The following NCLN variants were observed in gnomAD, a reference collection of about 807,000 sequenced individuals.
The protein encoded by NCLN is BOS complex subunit NCLN.
Under a neutral mutation model 69.5 loss-of-function variants are expected in NCLN, and 34 were observed. The ratio of observed to expected loss-of-function variants is 0.49; its 90% confidence interval spans 0.37 to 0.65. The LOEUF (loss-of-function observed/expected upper bound fraction) is 0.65, where lower values mean the gene tolerates loss of function less well. Ranked by LOEUF, NCLN falls within the 30% of genes least tolerant of loss-of-function variation. The pLI is 0.00. For missense variants in NCLN, 710 were observed against 804.8 expected (o/e 0.88, Z 1.42); for synonymous variants, 393 against 358.3 (o/e 1.10, Z -1.09).
At chr19:3,204,365 C>T (rs1409698347) in intron 8 of NCLN, among the ~76,000 whole-genome samples, 3 of 152,120 alleles carry the variant, frequency 2.0e-5, no homozygotes, top group Admixed American at 2.0e-4. Flanking sequence ...CTGGGGTGTC[C>T]TGTCCCAGAG....
intron 3 of NCLN, among the ~76,000 whole-genome samples, chr19:3,193,663 T>C (rs1449844107): frequency 1.3e-5 from 2 of 152,234 alleles, no homozygotes; most frequent in African/African-American, 4.8e-5. Context: ...AGCTGCTGGC[T>C]CTGTGCACAC....
intron 8 of NCLN, among the ~76,000 whole-genome samples, chr19:3,204,352 G>A (rs774760361): frequency 3.9e-5 from 6 of 152,084 alleles, no homozygotes; most frequent in South Asian, 2.1e-4. Context: ...CGTCAGGGCC[G>A]GGCTGGGGTG....
chr19:3,192,704 G>A (rs201867724), intron 2 of NCLN, 44 bp downstream of exon 2: 50 of 1,465,604 alleles, frequency 3.4e-5, no homozygotes, highest in Non-Finnish European at 4.2e-5. Context: ...CCAGAGCTGC[G>A]GCGGGAGTTG....
Position 3,208,148 on chromosome 19 carries a change from C to A in NCLN, c.*460C>A, listed in dbSNP as rs1050230290. 1 of 160,458 alleles carries A rather than the reference C, an allele frequency of 6.2e-6. No homozygotes were observed. The highest frequency in any genetic ancestry group is 6.2e-5 in the Admixed American group (1 of 16,070). 9.9% of individuals were successfully genotyped at this position (160,458 alleles called of 1,614,324 possible). ...GTCCTAGGACGTCCCCTCCCGCTCC[C>A]CGATGGTGGCGTGGACATGGTTATT... On this transcript the variant is annotated 3_prime_UTR_variant, in exon 15 of 15. Coordinates refer to ENST00000246117, the MANE Select transcript of NCLN (RefSeq NM_020170.4).
intron 1 of NCLN, among the ~76,000 whole-genome samples, chr19:3,190,022 C>T (rs1050821848): frequency 6.6e-6 from 1 of 152,206 alleles, no homozygotes; most frequent in Non-Finnish European, 1.5e-5. Flanking sequence ...ATCCCGCCTG[C>T]GGGAGCTCGA....
At chr19:3,202,625 C>T (rs1481335844) in intron 6 of NCLN, among the ~76,000 whole-genome samples, 1 of 152,186 alleles carries the variant, frequency 6.6e-6, no homozygotes, top group East Asian at 1.9e-4. Flanking sequence ...TCACAAGGCG[C>T]CGGGAGTCAT....
chr19:3,191,313 A>G (rs1915819260), intron 1 of NCLN, among the ~76,000 whole-genome samples: 1 of 152,186 alleles, frequency 6.6e-6, no homozygotes, highest in Non-Finnish European at 1.5e-5. Context: ...GAGTTTCCAG[A>G]GCGGTGACCG....
chr19:3,196,415 A>T, intron 4 of NCLN, 138 bp downstream of exon 4: 1 of 602,142 alleles, frequency 1.7e-6, no homozygotes. Flanking sequence ...CTGGCTGAAA[A>T]CCTCCTGTGG....
At chr19:3,186,862 A>G (rs1017640075) in intron 1 of NCLN, among the ~76,000 whole-genome samples, 2 of 149,792 alleles carry the variant, frequency 1.3e-5, no homozygotes, top group Non-Finnish European at 3.0e-5. Context: ...CCCAAATTCA[A>G]CTCCCCTGAA....
At chr19:3,195,450 C>T (rs1317780722) in intron 3 of NCLN, among the ~76,000 whole-genome samples, 2 of 151,952 alleles carry the variant, frequency 1.3e-5, no homozygotes, top group African/African-American at 2.4e-5. Flanking sequence ...GGGGTTTCAC[C>T]GTGTTAGCCA....
intron 3 of NCLN, 134 bp from the exon 4 acceptor site, chr19:3,196,049 A>G: frequency 1.9e-6 from 1 of 525,446 alleles, no homozygotes; most frequent in Non-Finnish European, 3.4e-6. Context: ...TGGTATCGAA[A>G]TCTGCTGGTC....
intron 1 of NCLN, among the ~76,000 whole-genome samples, chr19:3,186,430 A>G (rs545916805): frequency 1.3e-5 from 2 of 150,708 alleles, no homozygotes; most frequent in African/African-American, 4.9e-5. Context: ...GCTCGCTCCC[A>G]CAGCCCCCGG....
In NCLN at chr19:3,204,240, G is replaced by T; in HGVS notation, c.1029+96G>T. 4 of 1,370,716 alleles carry T rather than the reference G, an allele frequency of 2.9e-6. No homozygotes were observed. In the South Asian group the frequency reaches 6.3e-5, roughly 21 times the overall value. 84.9% of individuals were successfully genotyped at this position (1,370,716 alleles called of 1,614,324 possible). On this transcript the variant is annotated intron_variant, in intron 8 of 14. Coordinates refer to ENST00000246117, the MANE Select transcript of NCLN (RefSeq NM_020170.4). ...CTGTCCCAGGGTGTCCTTGCTGTCC[G>T]CCCCTCAGGCTCTGAGGGCCACACT...
At chr19:3,204,183 G>T (rs756758892) in intron 8 of NCLN, 39 bp downstream of exon 8, 3 of 1,485,012 alleles carry the variant, frequency 2.0e-6, no homozygotes, top group Non-Finnish European at 2.7e-6. Context: ...GAGCTCTGCG[G>T]AGCACACACA....
At position 3,208,560 on chromosome 19, in the gene NCLN, GT is replaced by G; in HGVS notation, c.*875del. On this transcript the variant is annotated 3_prime_UTR_variant, in exon 15 of 15. Coordinates refer to ENST00000246117, the MANE Select transcript of NCLN (RefSeq NM_020170.4). ...CCTGAGTCCTGAGCCAGTGCCTGGTGTTTCCTGGGCTCGGTACTGGGCCCCC... is the reference window on the plus strand; with the variant it reads ...CCTGAGTCCTGAGCCAGTGCCTGGTGTTCCTGGGCTCGGTACTGGGCCCCC... The G allele has an allele frequency of 6.6e-6, 1 of 152,476 alleles. No homozygotes were observed. Among genetic ancestry groups the G allele is most frequent in the East Asian group, 1.9e-4 (1 of 5,190 alleles). The allele number at this position is 152,476 out of a possible 1,614,324, so 9.4% of individuals were successfully genotyped here.
At chr19:3,202,961 C>T (rs1229049547) in intron 6 of NCLN, among the ~76,000 whole-genome samples, 3 of 151,998 alleles carry the variant, frequency 2.0e-5, no homozygotes, top group African/African-American at 7.3e-5. Flanking sequence ...GGGTAGGGGG[C>T]GTGCTGAGCA....
At chr19:3,194,589 C>T (rs550029745) in intron 3 of NCLN, among the ~76,000 whole-genome samples, 2 of 152,166 alleles carry the variant, frequency 1.3e-5, no homozygotes, top group East Asian at 1.9e-4. Context: ...CCTGCAAAGC[C>T]GAAAGTGTTA....
At chr19:3,199,992 A>C (rs978706975) in intron 5 of NCLN, among the ~76,000 whole-genome samples, 3 of 151,384 alleles carry the variant, frequency 2.0e-5, no homozygotes, top group African/African-American at 4.9e-5. Context: ...GAGCCACCGC[A>C]CCCAGTCCTG....
chr19:3,192,687 C>A, intron 2 of NCLN, 27 bp downstream of exon 2: 2 of 1,501,848 alleles, frequency 1.3e-6, no homozygotes, highest in Non-Finnish European at 8.9e-7. Flanking sequence ...CCCCGCCCGG[C>A]TCAGGTCCAG....
Sources: gnomAD v4.1 joint callset for allele counts (sites outside exome capture counted in the v4.1 genomes callset) on GRCh38, gnomAD v4.1.1 for gene constraint, MANE v1.5 for transcripts, NCBI Gene and HGNC (gene_info 2026-07-23, HGNC 2026-07-21) for gene names.